The following DISC1 variants were observed in gnomAD, a reference collection of about 807,000 sequenced individuals.
DISC1 encodes the protein disrupted in schizophrenia 1 protein.
DISC1 carries 57 observed loss-of-function variants against 84.5 expected under a neutral mutation model. The ratio of observed to expected loss-of-function variants is 0.67; its 90% CI spans 0.55 to 0.84. The LOEUF is 0.84. DISC1 is among the 40% of genes least tolerant of loss of function. The pLI is 0.00. For synonymous variants in DISC1, 411 were observed against 415.2 expected (o/e 0.99, Z 0.12); for missense variants, 1,000 against 1,057.8 (o/e 0.95, Z 0.76).
chr1:231,832,059 G>A (rs1448116487), intron 9 of DISC1, among the ~76,000 whole-genome samples: 2 of 152,146 alleles, frequency 1.3e-5, no homozygotes, highest in East Asian at 3.9e-4. Context: ...AGGGTCAGGT[G>A]TGGTATCCAG....
intron 6 of DISC1, among the ~76,000 whole-genome samples, chr1:231,793,627 A>G (rs2078519407): frequency 6.6e-6 from 1 of 152,056 alleles, no homozygotes; most frequent in South Asian, 2.1e-4. Flanking sequence ...TCACATTCAG[A>G]CTTTCTTCCT....
intron 9 of DISC1, among the ~76,000 whole-genome samples, chr1:231,893,941 C>T (rs1037410757): frequency 7.2e-5 from 11 of 152,144 alleles, no homozygotes; most frequent in Admixed American, 3.3e-4. Flanking sequence ...CAAGGATCTT[C>T]TTATTAGAAA....
At chr1:231,804,632 T>G (rs898000441) in intron 8 of DISC1, among the ~76,000 whole-genome samples, 23 of 152,196 alleles carry the variant, frequency 1.5e-4, no homozygotes, top group African/African-American at 5.3e-4. Context: ...TCTTCTTTTT[T>G]GATAGCTGTG....
intron 1 of DISC1, among the ~76,000 whole-genome samples, chr1:231,685,836 A>C (rs1291041983): frequency 6.6e-6 from 1 of 152,208 alleles, no homozygotes; most frequent in African/African-American, 2.4e-5. Context: ...TGAGCCTGTA[A>C]AATCAAAAGC....
chr1:231,807,542 C>G (rs949541552), intron 8 of DISC1, among the ~76,000 whole-genome samples: 13 of 152,358 alleles, frequency 8.5e-5, no homozygotes, highest in Middle Eastern at 3.4e-3. Flanking sequence ...TCCCTAGAAT[C>G]TGTTGTTTTC....
intron 6 of DISC1, among the ~76,000 whole-genome samples, chr1:231,792,137 A>G (rs989629500): frequency 2.0e-5 from 3 of 152,240 alleles, no homozygotes; most frequent in Non-Finnish European, 2.9e-5. Context: ...TAGCCTGAGC[A>G]AAACGTAATT....
chr1:231,694,883 G>T, intron 2 of DISC1, 78 bp downstream of exon 2: 1 of 1,565,954 alleles, frequency 6.4e-7, no homozygotes, highest in South Asian at 1.2e-5. Context: ...AGGAAACGAG[G>T]GGTTCTGGGC....
intron 9 of DISC1, among the ~76,000 whole-genome samples, chr1:231,912,740 CTCTTCTTTCTTTCTT>C (rs1487922065): frequency 0.031 from 4,517 of 147,682 alleles, 97 homozygotes; most frequent in East Asian, 0.11. Context: ...CTGCAGCTTG[CTCTTCTTTCTTTCTT>C]TCTTTCTTTC....
chr1:231,980,882 C>T (rs1663500774), intron 10 of DISC1, among the ~76,000 whole-genome samples: 1 of 152,118 alleles, frequency 6.6e-6, no homozygotes, highest in Non-Finnish European at 1.5e-5. Context: ...TTTTACTCAA[C>T]AATTTCAAGA....
At chr1:231,808,663 A>C (rs1489454438) in intron 8 of DISC1, among the ~76,000 whole-genome samples, 1 of 152,208 alleles carries the variant, frequency 6.6e-6, no homozygotes, top group Non-Finnish European at 1.5e-5. Flanking sequence ...CCCAATGCCT[A>C]GTTGTCTGAC....
At chr1:231,764,318 C>T (rs753410613) in intron 4 of DISC1, among the ~76,000 whole-genome samples, 2 of 152,134 alleles carry the variant, frequency 1.3e-5, no homozygotes, top group Non-Finnish European at 1.5e-5. Flanking sequence ...AAAAGTGCAG[C>T]TACTTAGTGT....
intron 3 of DISC1, among the ~76,000 whole-genome samples, chr1:231,725,202 A>C (rs893321526): frequency 1.8e-4 from 27 of 152,142 alleles, no homozygotes; most frequent in African/African-American, 6.5e-4. Flanking sequence ...AGCTCTAGTG[A>C]TTCTCATGTT....
intron 1 of DISC1, among the ~76,000 whole-genome samples, chr1:231,636,911 C>A (rs1353973751): frequency 2.0e-5 from 3 of 152,140 alleles, no homozygotes; most frequent in Non-Finnish European, 2.9e-5. Context: ...AGGTTTTAAG[C>A]CCCACATGCA....
intron 12 of DISC1, among the ~76,000 whole-genome samples, chr1:232,035,857 AC>A (rs1670470338): frequency 6.6e-6 from 1 of 152,180 alleles, no homozygotes; most frequent in African/African-American, 2.4e-5. Context: ...CTGCTTGAAC[AC>A]CCAGACGAGA....
intron 9 of DISC1, among the ~76,000 whole-genome samples, chr1:231,917,151 A>T (rs1252478799): frequency 1.3e-5 from 2 of 152,182 alleles, no homozygotes; most frequent in African/African-American, 4.8e-5. Flanking sequence ...AAAAACCTTA[A>T]GTGTTGGAAA....
chr1:231,713,444 A>T (rs548972451), intron 3 of DISC1, among the ~76,000 whole-genome samples: 1 of 152,206 alleles, frequency 6.6e-6, no homozygotes, highest in East Asian at 1.9e-4. Flanking sequence ...GAACAAAATG[A>T]GAAATAAAGT....
intron 9 of DISC1, among the ~76,000 whole-genome samples, chr1:231,832,321 C>G (rs71529859): frequency 0.56 from 79,211 of 140,214 alleles, 19,986 homozygotes; most frequent in Middle Eastern, 0.59. Flanking sequence ...TAGGCTAAAA[C>G]AGTAAGGTCA....
At chr1:231,981,374 C>A (rs928879169) in intron 10 of DISC1, among the ~76,000 whole-genome samples, 1 of 152,138 alleles carries the variant, frequency 6.6e-6, no homozygotes, top group Non-Finnish European at 1.5e-5. Flanking sequence ...ATGAGGGAAA[C>A]TGTGACTTTG....
intron 9 of DISC1, among the ~76,000 whole-genome samples, chr1:231,952,881 T>G (rs1400918126): frequency 6.6e-6 from 1 of 152,096 alleles, no homozygotes; most frequent in Non-Finnish European, 1.5e-5. Flanking sequence ...CAGCACAGCC[T>G]TTGGCCTCCC....
Sources: gnomAD v4.1 joint callset for allele counts (sites outside exome capture counted in the v4.1 genomes callset) on GRCh38, gnomAD v4.1.1 for gene constraint, MANE v1.5 for transcripts, NCBI Gene and HGNC (gene_info 2026-07-23, HGNC 2026-07-21) for gene names.